The following SLIT2 variants were observed in gnomAD, a reference collection of about 807,000 sequenced individuals.
SLIT2 encodes the protein slit homolog 2 protein.
Under a neutral mutation model 185.7 loss-of-function variants are expected in SLIT2, and 41 were observed. The ratio of observed to expected loss-of-function variants is 0.22; its 90% CI spans 0.17 to 0.29. The LOEUF is 0.29. Among genes scored for constraint, SLIT2 ranks in the 10% least tolerant of loss-of-function variants. The pLI, the probability that SLIT2 is intolerant of heterozygous loss-of-function variation, is 1.00. For missense variants in SLIT2, 1,571 were observed against 1,909.0 expected, an observed-to-expected ratio of 0.82 and a Z score of 3.30; for synonymous variants, 693 against 680.2, an observed-to-expected ratio of 1.02 and a Z score of -0.29.
intron 5 of SLIT2, 128 bp from the exon 6 acceptor site, chr4:20,480,588 T>G: frequency 1.6e-6 from 1 of 635,770 alleles, no homozygotes. Flanking sequence ...CGTAAGCAGA[T>G]GAGTGTGTTT....
chr4:20,509,736 T>C (rs1560486414), intron 9 of SLIT2, among the ~76,000 whole-genome samples: 1 of 152,208 alleles, frequency 6.6e-6, no homozygotes, highest in Admixed American at 6.5e-5. Context: ...TCTACTTATT[T>C]GTGCGTTTCA....
rs1428686018 is a variant in SLIT2 at position 20,472,564 on chromosome 4, CTATATATA to C, written c.467+4742_467+4749del. 6.4e-4 allele frequency among the ~76,000 whole-genome samples: 3 copies of C among 4,662 alleles called. 1 individual carries two copies. The highest frequency in any genetic ancestry group is 9.3e-4 in the Non-Finnish European group (3 of 3,232). 3.1% of individuals were successfully genotyped at this position (4,662 alleles called of 152,430 possible). A position where few individuals can be genotyped will look rare whatever the true frequency, so the allele number is the denominator to read the frequency against. On this transcript the variant is annotated intron_variant, in intron 5 of 36. Coordinates refer to ENST00000504154, the MANE Select transcript of SLIT2 (RefSeq NM_004787.4). ...TCTATATCTATATATAGATATATAT[CTATATATA>C]GATATATCTATATATAGATATATAT...
chr4:20,538,122 G>T (rs1009743483), intron 18 of SLIT2, among the ~76,000 whole-genome samples: 8 of 152,090 alleles, frequency 5.3e-5, no homozygotes, highest in African/African-American at 1.7e-4. Context: ...ACCACGCTAG[G>T]CTAATTTTTT....
At chr4:20,502,249 A>G (rs1490707448) in intron 9 of SLIT2, among the ~76,000 whole-genome samples, 3 of 152,240 alleles carry the variant, frequency 2.0e-5, no homozygotes, top group African/African-American at 7.2e-5. Flanking sequence ...AAATAAGCAC[A>G]GAGATTAAAA....
intron 4 of SLIT2, among the ~76,000 whole-genome samples, chr4:20,396,219 T>C (rs1041516227): frequency 2.0e-5 from 3 of 151,974 alleles, no homozygotes; most frequent in African/African-American, 4.8e-5. Context: ...TGTGTATGTA[T>C]TTAACAAACA....
rs191981411 is a variant in SLIT2 at position 20,510,757 on chromosome 4, G to A, written c.986+191G>A. Among the ~76,000 whole-genome samples, 110 of 152,194 alleles carry A rather than the reference G, an allele frequency of 7.2e-4. 1 individual carries two copies. The highest frequency in any genetic ancestry group is 2.6e-4 in the Non-Finnish European group (18 of 67,988). On this transcript the variant is annotated intron_variant, in intron 10 of 36. Coordinates refer to ENST00000504154, the MANE Select transcript of SLIT2 (RefSeq NM_004787.4). ...TAAACTATGTAATTTTTAAAGGTCT[G>A]TAATTTAGCATATTGATTCATACAA...
At chr4:20,362,975 C>T (rs1170751265) in intron 4 of SLIT2, among the ~76,000 whole-genome samples, 1 of 151,628 alleles carries the variant, frequency 6.6e-6, no homozygotes, top group Non-Finnish European at 1.5e-5. Context: ...TGCTTTGGGA[C>T]TGGGTCTGTA....
chr4:20,407,249 A>ATATG (rs1726847335), intron 4 of SLIT2, among the ~76,000 whole-genome samples: 1 of 152,152 alleles, frequency 6.6e-6, no homozygotes, highest in Admixed American at 6.6e-5. Context: ...ATTGAGCTGT[A>ATATG]TATGTATGAT....
chr4:20,490,074 T>G (rs1717640847), intron 8 of SLIT2: 1 of 152,148 alleles, frequency 6.6e-6, no homozygotes, highest in Non-Finnish European at 1.5e-5. Flanking sequence ...GGCAACAGAG[T>G]GAGACTCTGT....
chr4:20,310,671 C>T (rs934932063), intron 4 of SLIT2, among the ~76,000 whole-genome samples: 1 of 152,176 alleles, frequency 6.6e-6, no homozygotes, highest in Admixed American at 6.6e-5. Flanking sequence ...GCAGAGTGCT[C>T]TATCCTAAAC....
Position 20,257,872 on chromosome 4 carries a change from C to A in SLIT2, c.256C>A (p.Leu86Ile). The A allele has an allele frequency of 6.5e-7, 1 of 1,536,966 alleles. No homozygotes were observed. Among genetic ancestry groups the A allele is most frequent in the Non-Finnish European group, 9.0e-7 (1 of 1,113,016 alleles). Reference sequence around the variant, plus strand: ...ATGTTATATTTTGCATTTCAGTCAGCTTATGGAGAATAAGATTAGCACCAT... The same window carrying A: ...ATGTTATATTTTGCATTTCAGTCAGATTATGGAGAATAAGATTAGCACCAT... ...AGLRHLRVLQ[L>I]MENKISTIER... The change falls in exon 3 of 37, where the codon CTT becomes ATT. Residue 86 changes from leucine (L) to isoleucine (I), a missense_variant. Leu to Ile is a conservative substitution (Grantham distance 5, BLOSUM62 2). Around this residue, in one of 3 missense-constraint regions of SLIT2, gnomAD observed 1,202 missense variants for 1,416.4 expected, o/e 0.85. Coordinates refer to ENST00000504154, the MANE Select transcript of SLIT2 (RefSeq NM_004787.4).
intron 15 of SLIT2, among the ~76,000 whole-genome samples, chr4:20,525,916 G>A (rs16869711): frequency 0.017 from 2,618 of 152,168 alleles, 42 homozygotes; most frequent in East Asian, 0.074. Context: ...CACTTCAATC[G>A]TAACACTATC....
chr4:20,533,488 A>T (rs1029934865), intron 17 of SLIT2, 84 bp from the exon 18 acceptor site: 2 of 1,062,598 alleles, frequency 1.9e-6, no homozygotes, highest in African/African-American at 3.2e-5. Flanking sequence ...AACTTGGATC[A>T]TTAGAAGAAA....
rs546257826 is a variant in SLIT2 at position 20,489,057 on chromosome 4, G to A, written c.775+75G>A. 153 of 1,223,374 alleles carry A rather than the reference G, an allele frequency of 1.3e-4. 1 individual carries two copies. The highest frequency in any genetic ancestry group is 6.4e-4 in the Middle Eastern group (3 of 4,722). 75.8% of individuals were successfully genotyped at this position (1,223,374 alleles called of 1,614,324 possible). On this transcript the variant is annotated intron_variant, in intron 8 of 36. Transcript: ENST00000504154. ...GTAACAGAATGTGAGGGCTGCATGC[G>A]TCAAAGGTTTCAGTATTGTTCACTA...
At chr4:20,263,227 G>C (rs759773426) in intron 3 of SLIT2, among the ~76,000 whole-genome samples, 1 of 151,668 alleles carries the variant, frequency 6.6e-6, no homozygotes, top group Non-Finnish European at 1.5e-5. Context: ...TTGCCATTAT[G>C]TTTTTTCAAA....
At chr4:20,413,278 C>T (rs1289529636) in intron 4 of SLIT2, among the ~76,000 whole-genome samples, 1 of 151,478 alleles carries the variant, frequency 6.6e-6, no homozygotes, top group African/African-American at 2.4e-5. Flanking sequence ...TGTGAATTTC[C>T]CAAATTTTCC....
intron 11 of SLIT2, among the ~76,000 whole-genome samples, chr4:20,517,418 C>T (rs545350794): frequency 6.6e-6 from 1 of 151,748 alleles, no homozygotes; most frequent in East Asian, 1.9e-4. Flanking sequence ...TTAATCTACT[C>T]ATTTGTGTTT....
At position 20,533,661 on chromosome 4, in the gene SLIT2, G is replaced by A. The variant is rs145334534; in HGVS notation, c.1778G>A (p.Arg593His). The A allele has an allele frequency of 5.0e-5, 80 of 1,613,614 alleles. 1 individual carries two copies. Among genetic ancestry groups the A allele is most frequent in the South Asian group, 3.4e-4 (31 of 91,064 alleles). Residue 593 changes from arginine (R) to histidine (H), a missense_variant, in exon 18 of 37, where the codon CGT (arginine) becomes CAT (histidine). Transcript: ENST00000504154. ...GVNEILLTSN[R>H]LENVQHKMFK... ...AATGAAATACTTCTTACGAGTAATC[G>A]TTTGGAAAATGTGCAGCATAAGATG... is the stretch of plus-strand genomic sequence containing the variant.
At position 20,616,890 on chromosome 4, in the gene SLIT2, G is replaced by C. The variant is rs1384405908; in HGVS notation, c.3848-20G>C. On this transcript the variant is annotated intron_variant, in intron 34 of 36. Coordinates refer to ENST00000504154, the MANE Select transcript of SLIT2 (RefSeq NM_004787.4). ...GAAATCCCCAGAGAGCCTGACCTCT[G>C]ACCTGGTGTTCCTCCCCAGGCATGC... 6.4e-7 allele frequency: 1 copy of C among 1,574,654 alleles called. No homozygotes were observed. Among genetic ancestry groups the C allele is most frequent in the Non-Finnish European group, 8.7e-7 (1 of 1,154,266 alleles).
Sources: allele counts gnomAD v4.1 joint callset (sites outside exome capture counted in the v4.1 genomes callset), GRCh38; gene constraint gnomAD v4.1.1; regional missense constraint gnomAD v4.1.1; transcripts MANE v1.5; gene names NCBI Gene and HGNC (gene_info 2026-07-23, HGNC 2026-07-21).